Variants in ANKRD31 observed in about 807,000 individuals in gnomAD.
The protein encoded by ANKRD31 is ankyrin repeat domain 31, also known as ankyrin repeat domain-containing protein 31.
ANKRD31 carries 147 observed loss-of-function variants against 186.0 expected under a neutral mutation model. The ratio of observed to expected loss-of-function variants is 0.79; its 90% CI spans 0.69 to 0.91. ANKRD31 has a LOEUF of 0.91. ANKRD31 is among the 40% of genes least tolerant of loss of function. The pLI, the probability that ANKRD31 is intolerant of heterozygous loss-of-function variation, is 0.00. For synonymous variants in ANKRD31, 673 were observed against 736.4 expected (o/e 0.91, Z 1.39); for missense variants, 1,986 against 2,148.8 (o/e 0.92, Z 1.50).
chr5:75,192,863 A>G, intron 8 of ANKRD31, 87 bp from the exon 9 acceptor site: 1 of 1,030,258 alleles, frequency 9.7e-7, no homozygotes, highest in Non-Finnish European at 1.4e-6. Flanking sequence ...ATACAATATT[A>G]AAACTCCAGG....
intron 19 of ANKRD31, among the ~76,000 whole-genome samples, chr5:75,115,800 T>C (rs1197976671): frequency 2.0e-5 from 3 of 151,402 alleles, no homozygotes; most frequent in African/African-American, 4.9e-5. Flanking sequence ...AACACTTTTA[T>C]ACTCTTGGTG....
chr5:75,156,703 G>C (rs1341600279), intron 11 of ANKRD31, among the ~76,000 whole-genome samples: 1 of 152,160 alleles, frequency 6.6e-6, no homozygotes, highest in Non-Finnish European at 1.5e-5. Context: ...CAGAGGAAAA[G>C]CTGAGGTAAA....
chr5:75,084,283 G>A lies in ANKRD31; in HGVS notation c.5564C>T (p.Pro1855Leu), dbSNP rs1183287502. The part of the protein sequence containing the change: ...EPNSVPQQYQ[P>L]CLPEVACLDD... ...TGTTCTGTACATACCTGGAAGACAA[G>A]GTTGATATTGCTGAGGTACTGAGTT... The change falls in exon 24 of 26, where the codon CCT becomes CTT. Residue 1855 changes from proline to leucine, a missense_variant. Pro to Leu is a moderately conservative substitution (Grantham distance 98). Coordinates refer to ENST00000506364, the MANE Select transcript of ANKRD31 (RefSeq NM_001372053.1). 11 of 1,535,946 alleles carry A rather than the reference G, an allele frequency of 7.2e-6. No individual in the cohort carries two copies. Among genetic ancestry groups the A allele is most frequent in the Non-Finnish European group, 9.6e-6 (11 of 1,145,870 alleles).
chr5:75,138,934 C>G lies in ANKRD31; in HGVS notation c.3645G>C (p.Gln1215His), dbSNP rs1750811153. 1 of 1,536,832 alleles carries G rather than the reference C, an allele frequency of 6.5e-7. No homozygotes were observed. The highest frequency in any genetic ancestry group is 8.7e-7 in the Non-Finnish European group (1 of 1,146,624). ...TTCCTCTTCTGACAGCTAAATGAAG[C>G]TGGCTTTCCCCTCTGGCATTCCTCT... is the stretch of plus-strand genomic sequence containing the variant. ...INKRNARGES[Q>H]LHLAVRRGNL... Residue 1215 changes from glutamine to histidine, a missense_variant, in exon 16 of 26, where the codon CAG becomes CAC. By Grantham distance (24) the Gln-to-His change is conservative. Transcript: ENST00000506364.
chr5:75,090,553 C>T (rs1204809207), intron 23 of ANKRD31, among the ~76,000 whole-genome samples: 1 of 152,176 alleles, frequency 6.6e-6, no homozygotes, highest in Non-Finnish European at 1.5e-5. Flanking sequence ...AGTGTATCTT[C>T]TAGTCTTCGA....
At chr5:75,222,149 C>CCAAAAA in intron 3 of ANKRD31, 100 bp downstream of exon 3, 1 of 849,892 alleles carries the variant, frequency 1.2e-6, no homozygotes, top group South Asian at 2.4e-5. Context: ...AGGAAAGAAG[C>CCAAAAA]AAAATATAGA....
At chr5:75,223,900 C>T (rs73116837) in intron 2 of ANKRD31, among the ~76,000 whole-genome samples, 7,392 of 151,856 alleles carry the variant, frequency 0.049, 393 homozygotes, top group African/African-American at 0.13. Context: ...GAGGAGGTCA[C>T]GTGAGCACAC....
chr5:75,146,858 A>T lies in ANKRD31; in HGVS notation c.2553T>A (p.Val851=). The T allele has an allele frequency of 1.3e-6, 2 of 1,536,376 alleles. No individual in the cohort carries two copies. Among genetic ancestry groups the T allele is most frequent in the Non-Finnish European group, 1.7e-6 (2 of 1,146,318 alleles). Residue 851 remains valine, a synonymous_variant, in exon 14 of 26, where the codon GTT becomes GTA. Transcript: ENST00000506364. ...GAGTGTGAGGCTGCTTATCTGTAGT[A>T]ACAACTGGTAACTTGATTTCTTTAT... is the stretch of plus-strand genomic sequence containing the variant. The part of the protein sequence containing the change: ...LLHKEIKLPV[V]TTDKQPHTLQ...
At chr5:75,080,365 TAAG>T (rs1320176092) in intron 25 of ANKRD31, among the ~76,000 whole-genome samples, 200 bp downstream of exon 25, 1 of 152,188 alleles carries the variant, frequency 6.6e-6, no homozygotes, top group African/African-American at 2.4e-5. Flanking sequence ...TTGAAGAATA[TAAG>T]AAGTAAGAGT....
chr5:75,090,388 T>C (rs1034015782), intron 23 of ANKRD31, among the ~76,000 whole-genome samples: 2 of 151,838 alleles, frequency 1.3e-5, no homozygotes, highest in Non-Finnish European at 2.9e-5. Context: ...GAATGCAGGG[T>C]TGGGGCACAG....
chr5:75,131,795 TC>T (rs1379682326), intron 17 of ANKRD31, among the ~76,000 whole-genome samples: 2 of 151,898 alleles, frequency 1.3e-5, no homozygotes, highest in Non-Finnish European at 2.9e-5. Flanking sequence ...CTGCCAGGTG[TC>T]CCTCTGAGAC....
At chr5:75,112,720 C>T (rs1362882378) in intron 19 of ANKRD31, 120 bp from the exon 20 acceptor site, 1 of 565,354 alleles carries the variant, frequency 1.8e-6, no homozygotes, top group African/African-American at 1.9e-5. Context: ...ATGCTCATTC[C>T]TCTTTATGCT....
intron 2 of ANKRD31, among the ~76,000 whole-genome samples, chr5:75,227,572 AAAAG>A (rs1291291027): frequency 3.5e-4 from 53 of 152,310 alleles, no homozygotes; most frequent in East Asian, 7.7e-4. Flanking sequence ...AAAAATTAAA[AAAAG>A]AAAGAAAACC....
chr5:75,090,724 A>G (rs575462028), intron 23 of ANKRD31, among the ~76,000 whole-genome samples: 94 of 152,332 alleles, frequency 6.2e-4, no homozygotes, highest in South Asian at 4.4e-3. Flanking sequence ...TACTAAGTCT[A>G]GGAGGTCTAA....
In ANKRD31 at chr5:75,095,725, G is replaced by T. The variant is rs113131154; in HGVS notation, c.5332-4324C>A. ...CATCCCAAAGCAAAAGAGTAGTGAT[G>T]CTGGCATACTGTTATAATCATTTCT... On this transcript the variant is annotated intron_variant, in intron 22 of 25. Coordinates refer to ENST00000506364, the MANE Select transcript of ANKRD31 (RefSeq NM_001372053.1). 2.6e-3 allele frequency among the ~76,000 whole-genome samples: 393 copies of T among 152,278 alleles called. 2 individuals carry two copies. The highest frequency in any genetic ancestry group is 8.4e-3 in the African/African-American group (350 of 41,550).
intron 10 of ANKRD31, among the ~76,000 whole-genome samples, chr5:75,181,516 A>C (rs1360712149): frequency 6.6e-6 from 1 of 152,194 alleles, no homozygotes; most frequent in Non-Finnish European, 1.5e-5. Flanking sequence ...TTGGATTAAG[A>C]AAATGTGGCA....
chr5:75,096,370 T>C lies in ANKRD31; in HGVS notation c.5332-4969A>G, dbSNP rs117869219. On this transcript the variant is annotated intron_variant, in intron 22 of 25. Transcript: ENST00000506364. ...TTTTTAATGGGATCATTTGTTTTTT[T>C]TCTTGAGGATTTGTTTAAGTTCCTT... Among the ~76,000 whole-genome samples, 152 of 152,338 alleles carry C rather than the reference T, an allele frequency of 1.0e-3. 3 individuals carry two copies. The East Asian group carries it at 0.026, about 27-fold the overall frequency.
At chr5:75,217,252 T>G (rs1757015369) in intron 3 of ANKRD31, among the ~76,000 whole-genome samples, 1 of 152,136 alleles carries the variant, frequency 6.6e-6, no homozygotes, top group Non-Finnish European at 1.5e-5. Context: ...TTTGGTCAAG[T>G]GTTGAGTTCA....
At chr5:75,154,445 G>T in intron 11 of ANKRD31, 100 bp from the exon 12 acceptor site, 2 of 1,042,790 alleles carry the variant, frequency 1.9e-6, no homozygotes, top group Middle Eastern at 2.2e-4. Flanking sequence ...TATCTCTTTT[G>T]AAAATACTGT....
Sources: gnomAD v4.1 joint callset for allele counts (sites outside exome capture counted in the v4.1 genomes callset) on GRCh38, gnomAD v4.1.1 for gene constraint, MANE v1.5 for transcripts, NCBI Gene and HGNC (gene_info 2026-07-23, HGNC 2026-07-21) for gene names.